Variants in KAZN observed in about 807,000 individuals in gnomAD.
KAZN encodes the protein kazrin, periplakin interacting protein, also known as kazrin.
A neutral mutation model predicts 87.4 loss-of-function variants in KAZN; 40 were observed. The observed-to-expected ratio is 0.46, with a 90% CI of 0.36 to 0.60. The LOEUF (loss-of-function observed/expected upper bound fraction) is 0.60, where lower values mean the gene tolerates loss of function less well. Ranked by LOEUF, KAZN falls within the 20% of genes least tolerant of loss-of-function variation. KAZN has a pLI of 0.00. For synonymous variants in KAZN, 466 were observed against 458.3 expected (o/e 1.02, Z -0.22); for missense variants, 898 against 1,073.9 (o/e 0.84, Z 2.29).
intron 2 of KAZN, among the ~76,000 whole-genome samples, chr1:14,511,807 G>A (rs1028188919): frequency 2.0e-5 from 3 of 152,048 alleles, no homozygotes; most frequent in Non-Finnish European, 2.9e-5. Context: ...CAGCAGCTTC[G>A]ACAATCATGT....
chr1:14,185,647 GTTTGT>G (rs376949133), intron 2 of KAZN, among the ~76,000 whole-genome samples: 1 of 152,278 alleles, frequency 6.6e-6, no homozygotes, highest in East Asian at 1.9e-4. Context: ...TTAAAAGGGT[GTTTGT>G]TTTGTTTTGT....
At chr1:14,189,681 A>G (rs113447163) in intron 2 of KAZN, among the ~76,000 whole-genome samples, 1 of 152,168 alleles carries the variant, frequency 6.6e-6, no homozygotes, top group Non-Finnish European at 1.5e-5. Context: ...TAGACAAAGC[A>G]ATCACTTTTC....
At chr1:13,964,928 C>A (rs1641888868) in intron 1 of KAZN, among the ~76,000 whole-genome samples, 1 of 152,202 alleles carries the variant, frequency 6.6e-6, no homozygotes, top group East Asian at 1.9e-4. Context: ...AGACTCGAAG[C>A]AGATGAGGGA....
rs1464197415 is a variant in KAZN, at chr1:14,184,124, G to A, written c.249+3532G>A. 2.6e-5 allele frequency among the ~76,000 whole-genome samples: 4 copies of A among 152,150 alleles called. No individual in the cohort carries two copies. The highest frequency in any genetic ancestry group is 5.9e-5 in the Non-Finnish European group (4 of 68,034). ...AAACAAATCTCGAACAAAGTCCATC[G>A]TTAGGCGGAAAAGACCTGAAATTTG... is the stretch of plus-strand genomic sequence containing the variant. On this transcript the variant is annotated intron_variant, in intron 2 of 16. Transcript: ENST00000636203. The surrounding 1 kb of genome is among the most constrained non-coding windows in gnomAD (Gnocchi z 4.2).
chr1:14,793,589 G>C (rs1418971542), intron 1 of KAZN, among the ~76,000 whole-genome samples: 1 of 151,878 alleles, frequency 6.6e-6, no homozygotes, highest in Non-Finnish European at 1.5e-5. Context: ...TGAGGATTAA[G>C]TGAGTGTGTC....
intron 2 of KAZN, among the ~76,000 whole-genome samples, chr1:14,581,420 C>G (rs1410969171): frequency 1.3e-5 from 2 of 152,152 alleles, no homozygotes; most frequent in South Asian, 4.1e-4. Flanking sequence ...CTCTACCTCT[C>G]GACTCCATCA....
rs1645082156 is a variant in KAZN, at chr1:14,773,589, G to A, written c.226+174366G>A. ...GAAAAGATGATGTTGACTTTCCAGA[G>A]CCATAGGGAGTTGGAAATGAGGTCA... On this transcript the variant is annotated intron_variant, in intron 1 of 14. Transcript: ENST00000376030. This position sits in a 1 kb window ranked among gnomAD's most constrained non-coding sequence, Gnocchi z 5.9. 1.3e-5 allele frequency among the ~76,000 whole-genome samples: 2 copies of A among 152,176 alleles called. No individual in the cohort carries two copies. Among genetic ancestry groups the A allele is most frequent in the South Asian group, 4.1e-4 (2 of 4,826 alleles).
intron 1 of KAZN, among the ~76,000 whole-genome samples, chr1:14,737,584 C>T (rs1305981600): frequency 1.3e-5 from 2 of 152,208 alleles, no homozygotes; most frequent in Non-Finnish European, 1.5e-5. Flanking sequence ...TACCTCGCAG[C>T]TTCTGGAGTT....
At chr1:14,648,774 C>T (rs546628944) in intron 1 of KAZN, among the ~76,000 whole-genome samples, 124 of 152,300 alleles carry the variant, frequency 8.1e-4, no homozygotes, top group African/African-American at 2.5e-3. Context: ...TAATAGTGCT[C>T]ACTAATGTAG....
At chr1:14,152,235 G>T (rs1006941729) in intron 1 of KAZN, among the ~76,000 whole-genome samples, 8 of 152,056 alleles carry the variant, frequency 5.3e-5, no homozygotes, top group Admixed American at 5.2e-4. Context: ...TTTGACTATA[G>T]TCATCCTGTT....
chr1:14,977,434 C>T (rs1381243345), intron 2 of KAZN, among the ~76,000 whole-genome samples: 1 of 152,238 alleles, frequency 6.6e-6, no homozygotes. Context: ...CGTGCCCCGA[C>T]CCTGCCTTTC....
In KAZN at chr1:14,773,967, G is replaced by T. The variant is rs1022318779; in HGVS notation, c.226+174744G>T. 1.3e-5 allele frequency among the ~76,000 whole-genome samples: 2 copies of T among 152,236 alleles called. No individual in the cohort carries two copies. The highest frequency in any genetic ancestry group is 4.8e-5 in the African/African-American group (2 of 41,466). ...CACCGCCAAAGCCCTCCAGCCCATG[G>T]CTGCTGCCAACCAAGGCGCCCTTGT... is the stretch of plus-strand genomic sequence containing the variant. On this transcript the variant is annotated intron_variant, in intron 1 of 14. Transcript: ENST00000376030. This position sits in a 1 kb window ranked among gnomAD's most constrained non-coding sequence, Gnocchi z 5.9.
intron 2 of KAZN, among the ~76,000 whole-genome samples, chr1:15,010,386 C>CTTTTTTTTTTT (rs34697316): frequency 1.3e-5 from 1 of 78,220 alleles, no homozygotes; most frequent in Non-Finnish European, 2.4e-5. Flanking sequence ...GGTTGTCTTG[C>CTTTTTTTTTTT]TTTTTTTTTT....
intron 2 of KAZN, among the ~76,000 whole-genome samples, chr1:14,366,286 TGTC>T (rs1380995269): frequency 5.3e-5 from 8 of 152,326 alleles, no homozygotes; most frequent in Non-Finnish European, 7.4e-5. Context: ...AAAACTGAAA[TGTC>T]GTAGCTCATC....
chr1:14,312,023 C>T (rs998563360), intron 2 of KAZN, among the ~76,000 whole-genome samples: 15 of 151,960 alleles, frequency 9.9e-5, no homozygotes, highest in African/African-American at 2.9e-4. Flanking sequence ...TGCTGGAGAA[C>T]GGCAGATGAA....
chr1:14,510,820 A>C (rs1481288271), intron 2 of KAZN, among the ~76,000 whole-genome samples: 1 of 152,144 alleles, frequency 6.6e-6, no homozygotes, highest in Non-Finnish European at 1.5e-5. Context: ...TTGGAGGCAG[A>C]CTCAACAGAG....
rs1465434958 is a variant in KAZN, at chr1:14,896,087, G to C, written c.227-64597G>C. The stretch of plus-strand genomic sequence containing the variant: ...TTTTTTTTTTTGGACACAGATTCTT[G>C]CTCTGTTGCTAGGCTGGAGTGGAAT... On this transcript the variant is annotated intron_variant, in intron 1 of 14. Transcript: ENST00000376030. Among the ~76,000 whole-genome samples the C allele has an allele frequency of 2.1e-5, 3 of 142,286 alleles. No homozygotes were observed. In the East Asian group the frequency reaches 6.1e-4, roughly 29 times the overall value. 93.3% of individuals were successfully genotyped at this position (142,286 alleles called of 152,430 possible).
At chr1:14,296,799 C>A (rs747430694) in intron 2 of KAZN, among the ~76,000 whole-genome samples, 5 of 152,002 alleles carry the variant, frequency 3.3e-5, no homozygotes, top group Non-Finnish European at 7.4e-5. Context: ...TCATGCCTAG[C>A]TACTTTTTTG....
chr1:14,769,459 A>C lies in KAZN; in HGVS notation c.226+170236A>C, dbSNP rs182791343. Among the ~76,000 whole-genome samples, 376 of 152,190 alleles carry C rather than the reference A, an allele frequency of 2.5e-3. 2 individuals carry two copies. Among genetic ancestry groups the C allele is most frequent in the African/African-American group, 8.6e-3 (357 of 41,522 alleles). On this transcript the variant is annotated intron_variant, in intron 1 of 14. Transcript: ENST00000376030. The surrounding 1 kb of genome is among the most constrained non-coding windows in gnomAD (Gnocchi z 4.1). ...AACCTCTGCCTCCCGGGTTCAAGCG[A>C]TTCTCGTGCCTCATTCTCCTGAGTA...
Sources: allele counts gnomAD v4.1 joint callset (sites outside exome capture counted in the v4.1 genomes callset), GRCh38; gene constraint gnomAD v4.1.1; non-coding constraint Gnocchi (gnomAD v3.1); transcripts MANE v1.5; gene names NCBI Gene and HGNC (gene_info 2026-07-23, HGNC 2026-07-21).